The following PSMD3 variants were observed in gnomAD, a reference collection of about 807,000 sequenced individuals.
The protein encoded by PSMD3 is proteasome 26S subunit, non-ATPase 3, also known as 26S proteasome non-ATPase regulatory subunit 3.
PSMD3 carries 5 observed loss-of-function variants against 62.8 expected under a neutral mutation model. The observed-to-expected ratio is 0.08, with a 90% CI of 0.04 to 0.17. The LOEUF (loss-of-function observed/expected upper bound fraction) is 0.17. Among genes scored for constraint, PSMD3 ranks in the 10% least tolerant of loss-of-function variants. The pLI is 1.00. For synonymous variants in PSMD3, 265 were observed against 283.9 expected (o/e 0.93, Z 0.67); for missense variants, 524 against 713.6 (o/e 0.73, Z 3.03).
At chr17:39,981,276 G>A in intron 1 of PSMD3, 86 bp downstream of exon 1, 1 of 1,531,096 alleles carries the variant, frequency 6.5e-7, no homozygotes, top group Admixed American at 2.0e-5. Flanking sequence ...AGCCACAGCA[G>A]CCTCCACCAC....
At chr17:39,984,093 G>A (rs1049463310) in intron 1 of PSMD3, among the ~76,000 whole-genome samples, 4 of 151,802 alleles carry the variant, frequency 2.6e-5, no homozygotes, top group Non-Finnish European at 5.9e-5. Context: ...CCAGCTACTC[G>A]GGAGGCTGAG....
chr17:39,990,063 G>C lies in PSMD3; in HGVS notation c.878-31G>C, dbSNP rs777108296. On this transcript the variant is annotated intron_variant, in intron 5 of 11. Coordinates refer to ENST00000264639, the MANE Select transcript of PSMD3 (RefSeq NM_002809.4). Reference sequence around the variant, plus strand: ...GTGGGGAGTTGGATGACCCTACTCTGTTGACCAACTCTCCTCTCCTCCACT... The same window carrying C: ...GTGGGGAGTTGGATGACCCTACTCTCTTGACCAACTCTCCTCTCCTCCACT... 3 of 1,609,692 alleles carry C rather than the reference G, an allele frequency of 1.9e-6. No homozygotes were observed. In the South Asian group the frequency reaches 3.3e-5, roughly 18 times the overall value.
At position 39,981,032 on chromosome 17, in the gene PSMD3, G is replaced by C; in HGVS notation, c.62G>C (p.Gly21Ala). ...GADKAKPPPGGGEQEPPPPPA... is the reference protein window; with the variant it reads ...GADKAKPPPGAGEQEPPPPPA... ...GACAAGGCGAAACCGCCGCCCGGCGGAGGAGAACAAGAACCCCCACCGCCG... is the reference window on the plus strand; with the variant it reads ...GACAAGGCGAAACCGCCGCCCGGCGCAGGAGAACAAGAACCCCCACCGCCG... The change falls in exon 1 of 12, where the codon GGA (glycine) becomes GCA (alanine). Residue 21 changes from glycine (G) to alanine (A), a missense_variant. Gly to Ala is a moderately conservative substitution (Grantham distance 60). Transcript: ENST00000264639. 5 of 1,549,312 alleles carry C rather than the reference G, an allele frequency of 3.2e-6. No individual in the cohort carries two copies. The highest frequency in any genetic ancestry group is 4.4e-6 in the Non-Finnish European group (5 of 1,146,662).
At chr17:39,986,521 C>A (rs764071719) in intron 2 of PSMD3, 54 bp from the exon 3 acceptor site, 1 of 1,593,302 alleles carries the variant, frequency 6.3e-7, no homozygotes, top group South Asian at 1.1e-5. Flanking sequence ...TCAATAAATT[C>A]TTGGTTACTT....
chr17:39,992,024 C>CAAAAAAAAAAAAAAAAAAAAAACA (rs59894264), intron 6 of PSMD3, among the ~76,000 whole-genome samples: 6 of 102,070 alleles, frequency 5.9e-5, no homozygotes, highest in Non-Finnish European at 1.1e-4. Context: ...GACTCTGTCT[C>CAAAAAAAAAAAAAAAAAAAAAACA]AAAAAAAAAC....
chr17:39,985,276 T>C (rs956641931), intron 2 of PSMD3, among the ~76,000 whole-genome samples: 2 of 152,098 alleles, frequency 1.3e-5, no homozygotes, highest in Non-Finnish European at 2.9e-5. Context: ...AGAGTTGAAT[T>C]TGAATCCAAA....
intron 6 of PSMD3, chr17:39,994,690 G>A (rs986391048): frequency 1.6e-5 from 8 of 492,668 alleles, no homozygotes; most frequent in East Asian, 3.8e-5. Flanking sequence ...AGCAGACTAC[G>A]CGCGGGGTGG....
At chr17:39,987,799 T>C (rs113686306) in intron 3 of PSMD3, among the ~76,000 whole-genome samples, 2,194 of 152,242 alleles carry the variant, frequency 0.014, 60 homozygotes, top group African/African-American at 0.05. Flanking sequence ...TTTTGAGATA[T>C]AATTCACCCC....
At position 39,989,863 on chromosome 17, in the gene PSMD3, G is replaced by A. The variant is rs1481819203; in HGVS notation, c.811G>A (p.Val271Met). ...CTTGTACGACCAGGCTGAGAAGCTG[G>A]TGTCCAAGTCTGTGTTCCCAGAGCA... ...YSLYDQAEKL[V>M]SKSVFPEQAN... The change falls in exon 5 of 12, where the codon GTG becomes ATG. Residue 271 changes from valine to methionine, a missense_variant. Physicochemically the swap from Val to Met is conservative, Grantham distance 21 (BLOSUM62 1). Transcript: ENST00000264639. 1.9e-6 allele frequency: 3 copies of A among 1,614,192 alleles called. No homozygotes were observed. The highest frequency in any genetic ancestry group is 1.7e-5 in the Admixed American group (1 of 60,022).
chr17:39,996,258 A>G lies in PSMD3; in HGVS notation c.1396A>G (p.Ile466Val), dbSNP rs750899940. 1 of 1,614,058 alleles carries G rather than the reference A, an allele frequency of 6.2e-7. No individual in the cohort carries two copies. The highest frequency in any genetic ancestry group is 1.1e-5 in the South Asian group (1 of 91,064). The change falls in exon 10 of 12, where the codon ATC (isoleucine) becomes GTC (valine). Residue 466 changes from isoleucine (I) to valine (V), a missense_variant. Physicochemically the swap from Ile to Val is conservative, Grantham distance 29. Around this residue, in one of 4 missense-constraint regions of PSMD3, gnomAD observed 76 missense variants for 97.3 expected, o/e 0.78. Transcript: ENST00000264639. This position sits in a 1 kb window ranked among gnomAD's most constrained non-coding sequence, Gnocchi z 5.1. ...TGTCCAATCCAAGGAGATGATTGAC[A>G]TCTATTCCACCCGAGAGCCCCAGCT... is the stretch of plus-strand genomic sequence containing the variant. ...GYVQSKEMID[I>V]YSTREPQLAF...
chr17:39,996,056 T>C lies in PSMD3; in HGVS notation c.1321-127T>C. On this transcript the variant is annotated intron_variant, in intron 9 of 11. Coordinates refer to ENST00000264639, the MANE Select transcript of PSMD3 (RefSeq NM_002809.4). This position sits in a 1 kb window ranked among gnomAD's most constrained non-coding sequence, Gnocchi z 5.1. Reference sequence around the variant, plus strand: ...ATCGCTTGAACCCGGGAGGTAAAGGTTGCAGTGAGCTGAGATCGCACCACC... The same window carrying C: ...ATCGCTTGAACCCGGGAGGTAAAGGCTGCAGTGAGCTGAGATCGCACCACC... The C allele has an allele frequency of 8.6e-7, 1 of 1,164,170 alleles. No homozygotes were observed. Among genetic ancestry groups the C allele is most frequent in the South Asian group, 1.3e-5 (1 of 78,168 alleles). The allele number at this position is 1,164,170 out of a possible 1,614,324, so 72.1% of individuals were successfully genotyped here. A position where few individuals can be genotyped will look rare whatever the true frequency, so the allele number is the denominator to read the frequency against.
chr17:39,983,865 G>T (rs1980447639), intron 1 of PSMD3, among the ~76,000 whole-genome samples: 1 of 152,212 alleles, frequency 6.6e-6, no homozygotes, highest in African/African-American at 2.4e-5. Flanking sequence ...GGGCAGAAAA[G>T]GTGAGTGGTC....
chr17:39,984,327 C>A lies in PSMD3; in HGVS notation c.254C>A (p.Ala85Glu), dbSNP rs756879117. 6.2e-7 allele frequency: 1 copy of A among 1,613,262 alleles called. No individual in the cohort carries two copies. The highest frequency in any genetic ancestry group is 8.5e-7 in the Non-Finnish European group (1 of 1,179,860). The change falls in exon 2 of 12, where the codon GCG becomes GAG. Residue 85 changes from alanine to glutamate, a missense_variant. Around this residue, in one of 4 missense-constraint regions of PSMD3, gnomAD observed 396 missense variants for 475.8 expected, o/e 0.83. Transcript: ENST00000264639. ...GAGCACGTGAAACAGCTAGAGAAAGCGGTTTCAGGCAAGGAGCCGAGATTC... is the reference window on the plus strand; with the variant it reads ...GAGCACGTGAAACAGCTAGAGAAAGAGGTTTCAGGCAAGGAGCCGAGATTC... ...IKEHVKQLEK[A>E]VSGKEPRFVL...
rs1176137288 is a variant in PSMD3 at position 39,996,746 on chromosome 17, A to C, written c.1476+408A>C. 2.1e-6 allele frequency: 1 copy of C among 469,768 alleles called. No individual in the cohort carries two copies. Among genetic ancestry groups the C allele is most frequent in the South Asian group, 1.5e-5 (1 of 64,670 alleles). 29.1% of individuals were successfully genotyped at this position (469,768 alleles called of 1,614,324 possible). A position where few individuals can be genotyped will look rare whatever the true frequency, so the allele number is the denominator to read the frequency against. On this transcript the variant is annotated intron_variant, in intron 10 of 11. Coordinates refer to ENST00000264639, the MANE Select transcript of PSMD3 (RefSeq NM_002809.4). The surrounding 1 kb of genome is among the most constrained non-coding windows in gnomAD (Gnocchi z 5.1). Reference sequence around the variant, plus strand: ...GTCCCTGTATTGAGGCACTTAGCGAAGTCTAAATTGTAAAAAAGATGGCGC... The same window carrying C: ...GTCCCTGTATTGAGGCACTTAGCGACGTCTAAATTGTAAAAAAGATGGCGC...
At chr17:39,989,659 A>G in intron 4 of PSMD3, 80 bp from the exon 5 acceptor site, 2 of 1,345,846 alleles carry the variant, frequency 1.5e-6, no homozygotes, top group Non-Finnish European at 2.0e-6. Flanking sequence ...TTTTTAAGGA[A>G]TTGAGAAAGA....
In PSMD3 at chr17:39,980,961, C is replaced by T. The variant is rs767900082; in HGVS notation, c.-10C>T. ...CTCGGTCCCCGGACTAGGCCGTGAC[C>T]CCGGGTGCCATGAAGCAGGAGGGCT... On this transcript the variant is annotated 5_prime_UTR_variant, in exon 1 of 12. Coordinates refer to ENST00000264639, the MANE Select transcript of PSMD3 (RefSeq NM_002809.4). 16 of 1,526,290 alleles carry T rather than the reference C, an allele frequency of 1.0e-5. No homozygotes were observed. The highest frequency in any genetic ancestry group is 2.4e-5 in the East Asian group (1 of 42,180). The allele number at this position is 1,526,290 out of a possible 1,614,324, so 94.5% of individuals were successfully genotyped here.
chr17:39,983,939 C>T (rs1189875820), intron 1 of PSMD3, among the ~76,000 whole-genome samples: 1 of 151,870 alleles, frequency 6.6e-6, no homozygotes, highest in Non-Finnish European at 1.5e-5. Context: ...GTGGCTCACG[C>T]CTATAATCCC....
chr17:39,986,862 C>T, intron 3 of PSMD3, 150 bp downstream of exon 3: 2 of 1,150,180 alleles, frequency 1.7e-6, no homozygotes, highest in South Asian at 1.5e-5. Context: ...TGCGTTTGAT[C>T]CCACATCCCA....
rs1381246207 is a variant in PSMD3, at chr17:39,995,345, G to A, written c.1216+50G>A. On this transcript the variant is annotated intron_variant, in intron 8 of 11. Transcript: ENST00000264639. This position sits in a 1 kb window ranked among gnomAD's most constrained non-coding sequence, Gnocchi z 4.1. ...GTTGGAGGAGCAGAAGCCAGGCCAG[G>A]GCAAACCTAGTGGGTATCCTTGGGC... The A allele has an allele frequency of 1.2e-6, 2 of 1,613,846 alleles. No homozygotes were observed. Among genetic ancestry groups the A allele is most frequent in the South Asian group, 1.1e-5 (1 of 91,070 alleles).
Sources: allele counts gnomAD v4.1 joint callset (sites outside exome capture counted in the v4.1 genomes callset), GRCh38; gene constraint gnomAD v4.1.1; regional missense constraint gnomAD v4.1.1; non-coding constraint Gnocchi (gnomAD v3.1); transcripts MANE v1.5; gene names NCBI Gene and HGNC (gene_info 2026-07-23, HGNC 2026-07-21).